The following VCF1 variants were observed in gnomAD, a reference collection of about 807,000 sequenced individuals.
VCF1 encodes VCP nuclear cofactor family member 1, also known as protein VCF1.
chr17:73,212,983 C>T, the VCF1 span, among the ~76,000 whole-genome samples: 2 of 152,018 alleles, frequency 1.3e-5, no homozygotes, highest in South Asian at 2.1e-4. Flanking sequence ...CGGTGGTTCA[C>T]GCCTGTAATG....
chr17:73,224,994 GGA>G, the VCF1 span, among the ~76,000 whole-genome samples: 28 of 148,902 alleles, frequency 1.9e-4, 1 homozygote, highest in East Asian at 4.3e-3. Context: ...GCACAGCACA[GGA>G]CAGGACAGGA....
At chr17:73,223,273 C>A in the VCF1 span, among the ~76,000 whole-genome samples, 1 of 152,066 alleles carries the variant, frequency 6.6e-6, no homozygotes, top group Non-Finnish European at 1.5e-5. Flanking sequence ...GCCGAGATTG[C>A]GCCATTGCAC....
chr17:73,225,882 A>AT, the VCF1 span, among the ~76,000 whole-genome samples: 3,821 of 74,202 alleles, frequency 0.051, 106 homozygotes, highest in Middle Eastern at 0.069. Flanking sequence ...ATATATATAT[A>AT]ATATATATAT....
the VCF1 span, among the ~76,000 whole-genome samples, chr17:73,215,980 GGAGT>G: frequency 6.6e-6 from 1 of 152,264 alleles, no homozygotes; most frequent in Non-Finnish European, 1.5e-5. Flanking sequence ...GCCCTTGACA[GGAGT>G]GAGTGAGAGG....
At chr17:73,224,108 GA>G in the VCF1 span, among the ~76,000 whole-genome samples, 4 of 146,884 alleles carry the variant, frequency 2.7e-5, no homozygotes, top group African/African-American at 7.5e-5. Context: ...GAGAGAAGGG[GA>G]GGGGAGAACA....
chr17:73,210,561 G>A, the VCF1 span, among the ~76,000 whole-genome samples: 1 of 151,592 alleles, frequency 6.6e-6, no homozygotes, highest in Non-Finnish European at 1.5e-5. Flanking sequence ...TCTCAAAGGG[G>A]AGGGTGACAC....
At chr17:73,213,334 T>G in the VCF1 span, among the ~76,000 whole-genome samples, 1 of 152,184 alleles carries the variant, frequency 6.6e-6, no homozygotes, top group Admixed American at 6.5e-5. Context: ...GGTTTAATTA[T>G]ATTACATCCA....
chr17:73,219,752 C>T, the VCF1 span, among the ~76,000 whole-genome samples: 1 of 151,962 alleles, frequency 6.6e-6, no homozygotes, highest in African/African-American at 2.4e-5. Flanking sequence ...GCAGGTGGAT[C>T]ACGTGAGTCC....
the VCF1 span, chr17:73,232,346 G>C: frequency 6.6e-7 from 1 of 1,524,144 alleles, no homozygotes; most frequent in Non-Finnish European, 8.8e-7. Flanking sequence ...CGGCTGCGCA[G>C]TGGCACCATC....
chr17:73,218,746 G>A, the VCF1 span, among the ~76,000 whole-genome samples: 6 of 152,110 alleles, frequency 3.9e-5, no homozygotes, highest in East Asian at 1.9e-4. Context: ...ATGGCCAGGC[G>A]CAGTGGCTCA....
chr17:73,224,191 C>T, the VCF1 span, among the ~76,000 whole-genome samples: 2 of 124,658 alleles, frequency 1.6e-5, no homozygotes, highest in East Asian at 5.2e-4. Context: ...TTTGGGGAGG[C>T]TGAGGTGGGA....
At chr17:73,225,682 G>C in the VCF1 span, among the ~76,000 whole-genome samples, 2 of 151,538 alleles carry the variant, frequency 1.3e-5, no homozygotes, top group South Asian at 4.2e-4. Flanking sequence ...TTAATGAATA[G>C]TCTTACAATT....
At chr17:73,207,705 G>C in the VCF1 span, 8 of 1,292,184 alleles carry the variant, frequency 6.2e-6, no homozygotes, top group East Asian at 4.4e-4. Flanking sequence ...ATTTCAGTAC[G>C]ATGCCAACTG....
At chr17:73,216,660 G>C in the VCF1 span, among the ~76,000 whole-genome samples, 1 of 152,130 alleles carries the variant, frequency 6.6e-6, no homozygotes, top group Admixed American at 6.5e-5. Flanking sequence ...AGAGAATATA[G>C]AGCAAAAAGG....
At chr17:73,212,068 G>T in the VCF1 span, among the ~76,000 whole-genome samples, 3 of 152,104 alleles carry the variant, frequency 2.0e-5, no homozygotes, top group Non-Finnish European at 2.9e-5. Context: ...CGAAATCACA[G>T]TAGTTATATT....
chr17:73,209,159 C>CGGATCTT, the VCF1 span: 1 of 229,252 alleles, frequency 4.4e-6, no homozygotes, highest in Non-Finnish European at 8.5e-6. Flanking sequence ...AATTGAAGAT[C>CGGATCTT]CCGCATTTTT....
At chr17:73,229,170 G>A in the VCF1 span, 2 of 985,450 alleles carry the variant, frequency 2.0e-6, no homozygotes, top group Non-Finnish European at 2.4e-6. Flanking sequence ...CAAGGCACCA[G>A]AATAATCTCT....
chr17:73,229,621 T>C, the VCF1 span: 1 of 973,580 alleles, frequency 1.0e-6, no homozygotes, highest in Non-Finnish European at 1.2e-6. Flanking sequence ...ATCCCAGCAC[T>C]TTGGGAGGCT....
At chr17:73,220,700 CT>C in the VCF1 span, among the ~76,000 whole-genome samples, 1 of 150,944 alleles carries the variant, frequency 6.6e-6, no homozygotes, top group African/African-American at 2.5e-5. Flanking sequence ...CTGCCTCTGT[CT>C]CCCAAAGTGC....
Sources: gnomAD v4.1 joint callset for allele counts (sites outside exome capture counted in the v4.1 genomes callset) on GRCh38, gnomAD v4.1.1 for gene constraint, MANE v1.5 for transcripts, NCBI Gene and HGNC (gene_info 2026-07-23, HGNC 2026-07-21) for gene names.